Variants in FLT3 observed in about 807,000 individuals in gnomAD.
The protein encoded by FLT3 is fms related receptor tyrosine kinase 3.
FLT3 carries 46 observed loss-of-function variants against 126.6 expected under a neutral mutation model. The ratio of observed to expected loss-of-function variants is 0.36; its 90% CI spans 0.29 to 0.46. The LOEUF (loss-of-function observed/expected upper bound fraction) is 0.46. FLT3 is among the 20% of genes least tolerant of loss of function. FLT3 has a pLI of 1.00. For missense variants in FLT3, 1,069 were observed against 1,190.3 expected (o/e 0.90, Z 1.50); for synonymous variants, 404 against 434.4 (o/e 0.93, Z 0.87).
chr13:28,048,789 T>G (rs1181983243), intron 8 of FLT3, among the ~76,000 whole-genome samples: 1 of 152,174 alleles, frequency 6.6e-6, no homozygotes, highest in Non-Finnish European at 1.5e-5. Flanking sequence ...AAAAGAGCGA[T>G]CTGGCTAGCA....
intron 1 of FLT3, among the ~76,000 whole-genome samples, chr13:28,081,160 A>G (rs1387396936): frequency 1.3e-5 from 2 of 152,188 alleles, no homozygotes; most frequent in Non-Finnish European, 2.9e-5. Flanking sequence ...AATTTCTGCA[A>G]AAAGATCTAC....
chr13:28,073,013 A>AC (rs1877658459), intron 1 of FLT3, among the ~76,000 whole-genome samples: 4 of 146,686 alleles, frequency 2.7e-5, no homozygotes, highest in African/African-American at 1.0e-4. Flanking sequence ...TCTAAAAAAA[A>AC]AAAACAACAA....
intron 16 of FLT3, 69 bp downstream of exon 16, chr13:28,028,109 G>C: frequency 1.3e-6 from 1 of 786,548 alleles, no homozygotes; most frequent in South Asian, 1.4e-5. Flanking sequence ...GAGAGAGAGA[G>C]AGCAAACATC....
chr13:28,026,786 C>A (rs1007215436), intron 17 of FLT3, among the ~76,000 whole-genome samples: 2 of 152,204 alleles, frequency 1.3e-5, no homozygotes, highest in Non-Finnish European at 2.9e-5. Flanking sequence ...ACCTGTGAGG[C>A]AACCAGGTGT....
At chr13:28,079,058 C>G (rs1302643397) in intron 1 of FLT3, among the ~76,000 whole-genome samples, 1 of 152,160 alleles carries the variant, frequency 6.6e-6, no homozygotes, top group Non-Finnish European at 1.5e-5. Context: ...ATTTTCCCAA[C>G]TTTTATGCTC....
intron 1 of FLT3, among the ~76,000 whole-genome samples, chr13:28,087,224 C>G (rs1395246428): frequency 6.6e-6 from 1 of 152,024 alleles, no homozygotes; most frequent in South Asian, 2.1e-4. Flanking sequence ...GACACACCAT[C>G]ATGCCTGGCC....
intron 1 of FLT3, among the ~76,000 whole-genome samples, chr13:28,094,445 T>C (rs1396569903): frequency 1.3e-5 from 2 of 152,218 alleles, no homozygotes; most frequent in Non-Finnish European, 2.9e-5. Flanking sequence ...TAGGATCTTA[T>C]GCAATTTCTG....
At chr13:28,051,697 A>G (rs1374619301) in intron 5 of FLT3, among the ~76,000 whole-genome samples, 2 of 151,702 alleles carry the variant, frequency 1.3e-5, no homozygotes, top group East Asian at 1.9e-4. Context: ...GGTGCCCGCC[A>G]CCACGCCCGG....
At chr13:28,063,076 AG>A (rs11290476) in intron 2 of FLT3, among the ~76,000 whole-genome samples, 112,789 of 151,998 alleles carry the variant, frequency 0.74, 42,663 homozygotes, top group East Asian at 0.95. Context: ...AAATTTATAA[AG>A]CAATGGTAAA....
chr13:28,050,267 A>G, intron 5 of FLT3, 45 bp from the exon 6 acceptor site: 1 of 1,593,756 alleles, frequency 6.3e-7, no homozygotes, highest in Non-Finnish European at 8.6e-7. Flanking sequence ...AAGTTTTAAA[A>G]TTACAAATGA....
intron 1 of FLT3, among the ~76,000 whole-genome samples, chr13:28,096,555 G>A (rs955468835): frequency 2.6e-5 from 4 of 151,822 alleles, no homozygotes; most frequent in Non-Finnish European, 4.4e-5. Context: ...TCCTGCTTCA[G>A]CCTCCCAAGT....
intron 1 of FLT3, among the ~76,000 whole-genome samples, chr13:28,096,459 T>C (rs1381076564): frequency 1.3e-5 from 2 of 151,596 alleles, no homozygotes; most frequent in Non-Finnish European, 1.5e-5. Flanking sequence ...TTTTTTGAGA[T>C]GGAGTCGCAC....
chr13:28,011,536 G>A (rs1489954621), intron 23 of FLT3, among the ~76,000 whole-genome samples: 1 of 152,010 alleles, frequency 6.6e-6, no homozygotes, highest in African/African-American at 2.4e-5. Flanking sequence ...CAGCAGAGCG[G>A]GCAAGATGGC....
chr13:28,099,525 C>A (rs1482609210), intron 1 of FLT3, among the ~76,000 whole-genome samples: 1 of 152,192 alleles, frequency 6.6e-6, no homozygotes, highest in Non-Finnish European at 1.5e-5. Context: ...CATTTCAGAG[C>A]TGAAGGGGAC....
intron 23 of FLT3, among the ~76,000 whole-genome samples, chr13:28,012,561 C>A (rs1301729574): frequency 3.9e-5 from 6 of 152,136 alleles, no homozygotes; most frequent in African/African-American, 1.4e-4. Context: ...CTCCAGCAGA[C>A]AAGATGCTAC....
rs781503740 is a variant in FLT3 at position 28,028,304 on chromosome 13, G to A, written c.1943-16C>T. ...TCTGCTTTTTCTGTCAAAGAAAGGA[G>A]CATTAAAAATGTAAAACTCAAGTAA... is the stretch of plus-strand genomic sequence containing the variant. On this transcript the variant is annotated splice_polypyrimidine_tract_variant and intron_variant, in intron 15 of 23. Coordinates refer to ENST00000241453, the MANE Select transcript of FLT3 (RefSeq NM_004119.3). The A allele has an allele frequency of 1.3e-5, 17 of 1,356,044 alleles. No individual in the cohort carries two copies. Among genetic ancestry groups the A allele is most frequent in the Non-Finnish European group, 6.3e-6 (6 of 946,544 alleles). 84.0% of individuals were successfully genotyped at this position (1,356,044 alleles called of 1,614,324 possible).
At chr13:28,052,482 A>G (rs1283419405) in intron 5 of FLT3, 63 bp downstream of exon 5, 3 of 1,476,678 alleles carry the variant, frequency 2.0e-6, no homozygotes, top group Admixed American at 4.0e-5. Flanking sequence ...CTTGATGTCA[A>G]CTACATTAGA....
intron 2 of FLT3, among the ~76,000 whole-genome samples, chr13:28,069,733 T>C (rs1195469127): frequency 1.3e-5 from 2 of 152,188 alleles, no homozygotes; most frequent in Non-Finnish European, 1.5e-5. Flanking sequence ...AACAATAGGG[T>C]ATAATAACTA....
At chr13:28,016,269 T>A (rs1005933211) in intron 20 of FLT3, among the ~76,000 whole-genome samples, 4 of 127,594 alleles carry the variant, frequency 3.1e-5, no homozygotes, top group Admixed American at 7.4e-5. Flanking sequence ...GTACTGATTT[T>A]CTTTCTCTTT....
Sources: gnomAD v4.1 joint callset for allele counts (sites outside exome capture counted in the v4.1 genomes callset) on GRCh38, gnomAD v4.1.1 for gene constraint, MANE v1.5 for transcripts, NCBI Gene and HGNC (gene_info 2026-07-23, HGNC 2026-07-21) for gene names.